Variants in CNTN5 observed in about 807,000 individuals in gnomAD.
The protein encoded by CNTN5 is contactin-5.
Under a neutral mutation model 129.1 loss-of-function variants are expected in CNTN5, and 77 were observed. The observed-to-expected ratio is 0.60, with a 90% CI of 0.50 to 0.72. CNTN5 has a LOEUF of 0.72. Among genes scored for constraint, CNTN5 ranks in the 30% least tolerant of loss-of-function variants. The pLI is 0.00. For missense variants in CNTN5, 1,478 were observed against 1,328.8 expected, an observed-to-expected ratio of 1.11 and a Z score of -1.75; for synonymous variants, 509 against 465.6, an observed-to-expected ratio of 1.09 and a Z score of -1.20.
intron 2 of CNTN5, among the ~76,000 whole-genome samples, chr11:99,500,381 T>C (rs941830790): frequency 6.6e-6 from 1 of 152,186 alleles, no homozygotes; most frequent in Non-Finnish European, 1.5e-5. Flanking sequence ...TAATGGAAGA[T>C]AAACAAATGA....
chr11:99,763,334 A>C (rs975172971), intron 3 of CNTN5, among the ~76,000 whole-genome samples: 29 of 152,150 alleles, frequency 1.9e-4, no homozygotes, highest in Admixed American at 7.9e-4. Context: ...TCAAAACACC[A>C]AACAAAAGGA....
At chr11:99,088,425 C>T (rs1401486748) in intron 1 of CNTN5, among the ~76,000 whole-genome samples, 1 of 152,040 alleles carries the variant, frequency 6.6e-6, no homozygotes, top group Non-Finnish European at 1.5e-5. Context: ...ATCTTTAAGA[C>T]CAAGTGAAAT....
At chr11:100,277,940 T>C (rs925787568) in intron 18 of CNTN5, among the ~76,000 whole-genome samples, 2 of 152,158 alleles carry the variant, frequency 1.3e-5, no homozygotes, top group Non-Finnish European at 2.9e-5. Flanking sequence ...GTTTCATATT[T>C]TGAGGTCTTA....
In CNTN5 at chr11:99,345,819, C is replaced by A. The variant is rs149413053; in HGVS notation, c.-71+20335C>A. Among the ~76,000 whole-genome samples, 41 of 152,220 alleles carry A rather than the reference C, an allele frequency of 2.7e-4. 2 individuals are homozygous for A. In the East Asian group the frequency reaches 7.7e-3, roughly 29 times the overall value. On this transcript the variant is annotated intron_variant, in intron 2 of 24. Coordinates refer to ENST00000524871, the MANE Select transcript of CNTN5 (RefSeq NM_014361.4). ...ATATGCCTTTCATTTTGTATACTTT[C>A]TCCTGGCCCCTTTGAAATAGAATTA...
intron 2 of CNTN5, among the ~76,000 whole-genome samples, chr11:99,431,921 G>A (rs1943385194): frequency 6.6e-6 from 1 of 152,062 alleles, no homozygotes; most frequent in Non-Finnish European, 1.5e-5. Context: ...AGAAACAGGG[G>A]CTGGAGGGTC....
At chr11:99,183,840 T>G (rs2135572451) in intron 1 of CNTN5, among the ~76,000 whole-genome samples, 1 of 152,274 alleles carries the variant, frequency 6.6e-6, no homozygotes, top group East Asian at 1.9e-4. Context: ...ATTCCATGTC[T>G]AAAGTTTAAC....
intron 3 of CNTN5, among the ~76,000 whole-genome samples, chr11:99,763,767 T>C (rs537804528): frequency 6.6e-6 from 1 of 152,210 alleles, no homozygotes; most frequent in East Asian, 1.9e-4. Flanking sequence ...AGTCTTGTGA[T>C]CTGCATTTTA....
intron 2 of CNTN5, among the ~76,000 whole-genome samples, chr11:99,484,108 A>G (rs1452291642): frequency 2.0e-5 from 3 of 152,176 alleles, no homozygotes; most frequent in African/African-American, 7.2e-5. Flanking sequence ...GGTCAATAGA[A>G]TGAAATAACA....
intron 1 of CNTN5, among the ~76,000 whole-genome samples, chr11:99,061,083 C>T (rs1864856280): frequency 6.6e-6 from 1 of 152,032 alleles, no homozygotes; most frequent in East Asian, 1.9e-4. Flanking sequence ...ATACAAATCA[C>T]TTTAAATTCT....
intron 18 of CNTN5, among the ~76,000 whole-genome samples, chr11:100,296,388 A>G (rs1176979378): frequency 2.6e-5 from 4 of 151,568 alleles, no homozygotes; most frequent in African/African-American, 9.7e-5. Context: ...AATGAGAGAA[A>G]AAAAGGGTAT....
intron 9 of CNTN5, among the ~76,000 whole-genome samples, chr11:100,060,650 T>C (rs1943430254): frequency 6.6e-6 from 1 of 151,418 alleles, no homozygotes; most frequent in Admixed American, 6.6e-5. Flanking sequence ...CTTTTTTTTT[T>C]TTTTTTAAGA....
intron 13 of CNTN5, among the ~76,000 whole-genome samples, chr11:100,181,564 C>T (rs772187058): frequency 1.1e-4 from 16 of 151,808 alleles, no homozygotes; most frequent in Non-Finnish European, 2.2e-4. Flanking sequence ...TGCGCACTTA[C>T]ACAAATAAGT....
chr11:99,283,117 A>G (rs1863772075), intron 1 of CNTN5, among the ~76,000 whole-genome samples: 1 of 152,092 alleles, frequency 6.6e-6, no homozygotes, highest in Non-Finnish European at 1.5e-5. Flanking sequence ...TGATTAGTCA[A>G]CGTAAAATGT....
intron 2 of CNTN5, among the ~76,000 whole-genome samples, chr11:99,536,511 G>A (rs1947904131): frequency 6.6e-6 from 1 of 152,000 alleles, no homozygotes; most frequent in Non-Finnish European, 1.5e-5. Context: ...AAAACCTGCA[G>A]ATAAACAGTA....
intron 9 of CNTN5, among the ~76,000 whole-genome samples, chr11:100,012,346 AC>A (rs1446956495): frequency 7.2e-5 from 11 of 152,186 alleles, no homozygotes; most frequent in African/African-American, 2.4e-4. Flanking sequence ...GAATGGCTAG[AC>A]GTGTGGATGT....
intron 1 of CNTN5, among the ~76,000 whole-genome samples, chr11:99,066,874 T>C (rs1427288162): frequency 2.0e-5 from 3 of 152,144 alleles, no homozygotes; most frequent in African/African-American, 7.2e-5. Context: ...TCTCTTTTGA[T>C]GGTGACTGCG....
chr11:99,226,000 A>T (rs1860662135), intron 1 of CNTN5, among the ~76,000 whole-genome samples: 1 of 152,182 alleles, frequency 6.6e-6, no homozygotes, highest in Non-Finnish European at 1.5e-5. Context: ...TAATCATTTT[A>T]CTAAGGTACA....
At chr11:99,230,201 A>C (rs2135726395) in intron 1 of CNTN5, among the ~76,000 whole-genome samples, 1 of 152,180 alleles carries the variant, frequency 6.6e-6, no homozygotes, top group South Asian at 2.1e-4. Flanking sequence ...TATAATTAGA[A>C]AGACTACATA....
chr11:99,368,002 T>C (rs180716431), intron 2 of CNTN5, among the ~76,000 whole-genome samples: 1 of 152,278 alleles, frequency 6.6e-6, no homozygotes, highest in Admixed American at 6.5e-5. Flanking sequence ...TTAAAGCTAA[T>C]GATATTCTCT....
Sources: allele counts gnomAD v4.1 joint callset (sites outside exome capture counted in the v4.1 genomes callset), GRCh38; gene constraint gnomAD v4.1.1; transcripts MANE v1.5; gene names NCBI Gene and HGNC (gene_info 2026-07-23, HGNC 2026-07-21).